Variants in IFI44L observed in about 807,000 individuals in gnomAD.
The protein encoded by IFI44L is interferon-induced protein 44-like.
IFI44L carries 40 observed loss-of-function variants against 39.3 expected under a neutral mutation model. The observed-to-expected ratio is 1.02, with a 90% CI of 0.79 to 1.33. The LOEUF is 1.33. IFI44L is among the 40% of genes most tolerant of loss of function. The pLI is 0.00. For missense variants in IFI44L, 623 were observed against 549.0 expected (o/e 1.13, Z -1.35); for synonymous variants, 198 against 182.3 (o/e 1.09, Z -0.69).
In IFI44L at chr1:78,629,061, C is replaced by T. The variant is rs370578487; in HGVS notation, c.527+62C>T. 609 of 996,896 alleles carry T rather than the reference C, an allele frequency of 6.1e-4. 1 individual carries two copies. The African/African-American group carries it at 7.6e-3, about 12-fold the overall frequency. The allele number at this position is 996,896 out of a possible 1,614,324, so 61.8% of individuals were successfully genotyped here. ...ATTTAGACCAATTGTATAAAGAATG[C>T]TGACAAATATGTGGTAAAGATAAAA... On this transcript the variant is annotated intron_variant, in intron 3 of 8. Transcript: ENST00000370751.
At chr1:78,630,757 G>T (rs1159204329) in intron 4 of IFI44L, among the ~76,000 whole-genome samples, 2 of 152,080 alleles carry the variant, frequency 1.3e-5, no homozygotes, top group African/African-American at 4.8e-5. Context: ...AATTTTCTAG[G>T]ACTTTCAAGA....
In IFI44L at chr1:78,643,103, A is replaced by G. The variant is rs866973469; in HGVS notation, c.*1294A>G. ...ATTCTGACAGTCTAATTTAGTTTTA[A>G]TCAGAATTATACTCATCTTTTGGGT... On this transcript the variant is annotated 3_prime_UTR_variant, in exon 9 of 9. Transcript: ENST00000370751. The G allele has an allele frequency of 7.2e-6, 1 of 138,506 alleles. No homozygotes were observed. Among genetic ancestry groups the G allele is most frequent in the South Asian group, 2.3e-4 (1 of 4,284 alleles). The allele number at this position is 138,506 out of a possible 1,614,324, so 8.6% of individuals were successfully genotyped here.
In IFI44L at chr1:78,629,910, G is replaced by C. The variant is rs200596419; in HGVS notation, c.718G>C (p.Glu240Gln). ...VVGSDITSITERYRIYSVKDG... is the reference protein window; with the variant it reads ...VVGSDITSITQRYRIYSVKDG... Reference sequence around the variant, plus strand: ...GGGGTCTGATATCACCAGCATAACCGAGCGGGTAAGTTATTTCCCTGAGGA... The same window carrying C: ...GGGGTCTGATATCACCAGCATAACCCAGCGGGTAAGTTATTTCCCTGAGGA... Residue 240 changes from glutamate (E) to glutamine (Q), a missense_variant, in exon 4 of 9, where the codon GAG becomes CAG. Transcript: ENST00000370751. The C allele has an allele frequency of 1.1e-5, 18 of 1,611,158 alleles. No homozygotes were observed. In the South Asian group the frequency reaches 2.0e-4, roughly 18 times the overall value.
intron 4 of IFI44L, among the ~76,000 whole-genome samples, chr1:78,632,418 T>C (rs1399385610): frequency 6.6e-6 from 1 of 152,206 alleles, no homozygotes; most frequent in Non-Finnish European, 1.5e-5. Flanking sequence ...TATTGCATGA[T>C]GAAATGTGTC....
Position 78,636,771 on chromosome 1 carries a change from T to TAAAA in IFI44L, c.877-258_877-257insAAAA, listed in dbSNP as rs1436233988. 1.1e-5 allele frequency: 4 copies of TAAAA among 366,410 alleles called. No individual in the cohort carries two copies. In the South Asian group the frequency reaches 1.5e-4, roughly 14 times the overall value. The allele number at this position is 366,410 out of a possible 1,614,324, so 22.7% of individuals were successfully genotyped here. A position where few individuals can be genotyped will look rare whatever the true frequency, so the allele number is the denominator to read the frequency against. ...AAATTAGCTTTTCAAAAATATTATTTAAACTTTCCTGCAATACTTACAATG... is the reference window on the plus strand; with the variant it reads ...AAATTAGCTTTTCAAAAATATTATTTAAAAAAACTTTCCTGCAATACTTACAATG... On this transcript the variant is annotated intron_variant, in intron 5 of 8. Transcript: ENST00000370751.
At chr1:78,624,204 C>T (rs1019630702) in intron 1 of IFI44L, among the ~76,000 whole-genome samples, 1 of 152,082 alleles carries the variant, frequency 6.6e-6, no homozygotes, top group South Asian at 2.1e-4. Flanking sequence ...CCGTATTGGC[C>T]AGGCTGGTCT....
At position 78,635,455 on chromosome 1, in the gene IFI44L, A is replaced by G; in HGVS notation, c.842A>G (p.His281Arg). 6.2e-7 allele frequency: 1 copy of G among 1,613,466 alleles called. No individual in the cohort carries two copies. The highest frequency in any genetic ancestry group is 8.5e-7 in the Non-Finnish European group (1 of 1,179,634). The change falls in exon 5 of 9, where the codon CAC becomes CGC. Residue 281 changes from histidine to arginine, a missense_variant. Transcript: ENST00000370751. Reference sequence around the variant, plus strand: ...GGACTGTGCATGGATGACATTCCCCACATCTTAAAAGGTTGTATGCCAGAC... The same window carrying G: ...GGACTGTGCATGGATGACATTCCCCGCATCTTAAAAGGTTGTATGCCAGAC... ...GAGLCMDDIP[H>R]ILKGCMPDRY...
chr1:78,626,704 G>A (rs1652499926), intron 1 of IFI44L: 1 of 151,762 alleles, frequency 6.6e-6, no homozygotes, highest in South Asian at 2.1e-4. Flanking sequence ...TATTTCAACA[G>A]CATTTGGAGT....
At chr1:78,636,711 C>T (rs571660292) in intron 5 of IFI44L, 119 of 235,742 alleles carry the variant, frequency 5.0e-4, no homozygotes, top group Middle Eastern at 2.9e-3. Context: ...ATTTAACAAA[C>T]GTTAATGGTG....
rs1460131171 is a variant in IFI44L, at chr1:78,642,703, A to C, written c.*894A>C. On this transcript the variant is annotated 3_prime_UTR_variant, in exon 9 of 9. Transcript: ENST00000370751. ...TTATATCTGAATGAAAATATGAATG[A>C]CTCTAAGTAATTGAATTAATTAAAA... is the stretch of plus-strand genomic sequence containing the variant. The C allele has an allele frequency of 2.6e-5, 4 of 152,036 alleles. No homozygotes were observed. The highest frequency in any genetic ancestry group is 5.9e-5 in the Non-Finnish European group (4 of 67,994). 9.4% of individuals were successfully genotyped at this position (152,036 alleles called of 1,614,324 possible).
chr1:78,628,249 CT>C lies in IFI44L; in HGVS notation c.335del (p.Leu112ArgfsTer21), dbSNP rs769868001. On this transcript the variant is annotated frameshift_variant, in exon 2 of 9. Coordinates refer to ENST00000370751, the MANE Select transcript of IFI44L (RefSeq NM_006820.4). LOFTEE classifies it high-confidence loss of function. ...AGCACCAAAAATTATTGATGAGCAA[CT>C]GGTGTGTCGTTTATCGAAAACGGAT... The part of the protein sequence containing the change: ...NTAPKIIDEQ[L>X]VCRLSKTDIF... 4.3e-6 allele frequency: 7 copies of C among 1,611,762 alleles called. No homozygotes were observed. The South Asian group carries it at 7.7e-5, about 18-fold the overall frequency.
chr1:78,630,101 T>A (rs1652694022), intron 4 of IFI44L, 186 bp downstream of exon 4: 1 of 588,152 alleles, frequency 1.7e-6, no homozygotes, highest in Non-Finnish European at 3.1e-6. Flanking sequence ...TTTCAAATTT[T>A]ATGGATGGAA....
intron 1 of IFI44L, among the ~76,000 whole-genome samples, chr1:78,624,288 G>A (rs949911161): frequency 9.9e-5 from 15 of 152,110 alleles, no homozygotes; most frequent in Non-Finnish European, 2.9e-5. Context: ...GAGTCACCAC[G>A]CCTGGCCTCA....
chr1:78,643,160 T>TTTTTTTTTTTTTTTTGAG lies in IFI44L; in HGVS notation c.*1351_*1352insTTTTTTTTTTTTTTTGAG, dbSNP rs1367397714. ...AGATATTAAGAAAGCAAGAGTTTCT[T>TTTTTTTTTTTTTTTTGAG]ATGTCCAGTTATGGAATATTTCCTA... On this transcript the variant is annotated 3_prime_UTR_variant, in exon 9 of 9. Coordinates refer to ENST00000370751, the MANE Select transcript of IFI44L (RefSeq NM_006820.4). 5 of 151,862 alleles carry TTTTTTTTTTTTTTTTGAG rather than the reference T, an allele frequency of 3.3e-5. No individual in the cohort carries two copies. Among genetic ancestry groups the TTTTTTTTTTTTTTTTGAG allele is most frequent in the South Asian group, 2.1e-4 (1 of 4,818 alleles). 9.4% of individuals were successfully genotyped at this position (151,862 alleles called of 1,614,324 possible).
intron 3 of IFI44L, 37 bp from the exon 4 acceptor site, chr1:78,629,683 T>TG: frequency 6.7e-7 from 1 of 1,481,566 alleles, no homozygotes; most frequent in South Asian, 1.3e-5. Flanking sequence ...CTTTATTGGC[T>TG]GTTCTGATGC....
rs566074181 is a variant in IFI44L at position 78,626,004 on chromosome 1, GACTT to G, written c.-10-1901_-10-1898del. The G allele has an allele frequency of 3.0e-3, 460 of 151,808 alleles. 5 individuals are homozygous for G. Among genetic ancestry groups the G allele is most frequent in the African/African-American group, 0.011 (443 of 41,490 alleles). The allele number at this position is 151,808 out of a possible 1,614,324, so 9.4% of individuals were successfully genotyped here. On this transcript the variant is annotated intron_variant, in intron 1 of 8. Transcript: ENST00000370751. ...ATTATAGTACTTTGAAAATTTTTGA[GACTT>G]GCTTGCTTTTTAAGGTTTGTAGAAT...
At chr1:78,638,321 A>G (rs568277915) in intron 6 of IFI44L, among the ~76,000 whole-genome samples, 19 of 152,226 alleles carry the variant, frequency 1.2e-4, no homozygotes, top group African/African-American at 4.3e-4. Context: ...TAAAAGATCT[A>G]TAAATCCTAA....
chr1:78,627,854 A>C (rs968018047), intron 1 of IFI44L, 52 bp from the exon 2 acceptor site: 78 of 1,028,964 alleles, frequency 7.6e-5, no homozygotes, highest in Non-Finnish European at 1.0e-4. Context: ...AACCTAAGCT[A>C]TAAGCTACTA....
intron 1 of IFI44L, among the ~76,000 whole-genome samples, chr1:78,625,118 T>C (rs1652437395): frequency 6.6e-6 from 1 of 151,928 alleles, no homozygotes; most frequent in Non-Finnish European, 1.5e-5. Context: ...TCATTCCATC[T>C]ATATTTATAA....
Sources: gnomAD v4.1 joint callset for allele counts (sites outside exome capture counted in the v4.1 genomes callset) on GRCh38, gnomAD v4.1.1 for gene constraint, MANE v1.5 for transcripts, NCBI Gene and HGNC (gene_info 2026-07-23, HGNC 2026-07-21) for gene names.